The following HFM1 variants were observed in gnomAD, a reference collection of about 807,000 sequenced individuals.
The protein encoded by HFM1 is probable ATP-dependent DNA helicase HFM1.
In HFM1, 169 loss-of-function variants were observed where a neutral mutation model predicts 192.1. The ratio of observed to expected loss-of-function variants is 0.88; its 90% CI spans 0.78 to 1.00. The LOEUF is 1.00. HFM1 is among the 50% of genes least tolerant of loss of function. HFM1 has a pLI of 0.00. For synonymous variants in HFM1, 525 were observed against 537.8 expected, an observed-to-expected ratio of 0.98 and a Z score of 0.33; for missense variants, 1,661 against 1,668.0, an observed-to-expected ratio of 1.00 and a Z score of 0.07.
At chr1:91,292,237 G>T (rs1355778492) in intron 30 of HFM1, among the ~76,000 whole-genome samples, 1 of 146,084 alleles carries the variant, frequency 6.8e-6, no homozygotes, top group Non-Finnish European at 1.5e-5. Flanking sequence ...AAGAGTATTC[G>T]ATTAGGAAAA....
rs1666865638 is a variant in HFM1, at chr1:91,276,813, A to T, written c.3473-70T>A. ...TATTCTTATAAAGTCAAATTTCTTT[A>T]AAATTTCAAATCTAGTATTTACTTT... On this transcript the variant is annotated intron_variant, in intron 31 of 38. Coordinates refer to ENST00000370425, the MANE Select transcript of HFM1 (RefSeq NM_001017975.6). 5.6e-6 allele frequency: 5 copies of T among 890,044 alleles called. No individual in the cohort carries two copies. The South Asian group carries it at 1.0e-4, about 18-fold the overall frequency. 55.1% of individuals were successfully genotyped at this position (890,044 alleles called of 1,614,324 possible). A position where few individuals can be genotyped will look rare whatever the true frequency, so the allele number is the denominator to read the frequency against.
intron 13 of HFM1, among the ~76,000 whole-genome samples, chr1:91,364,776 G>T (rs1263678769): frequency 6.6e-6 from 1 of 151,158 alleles, no homozygotes; most frequent in African/African-American, 2.4e-5. Context: ...TGGGACTACA[G>T]GCACCAGCCA....
chr1:91,375,818 A>G (rs1660836659), intron 11 of HFM1, 91 bp from the exon 12 acceptor site: 2 of 925,256 alleles, frequency 2.2e-6, no homozygotes, highest in African/African-American at 3.3e-5. Flanking sequence ...TTTAAGGTCA[A>G]GCTATAAAAG....
intron 30 of HFM1, among the ~76,000 whole-genome samples, chr1:91,304,018 C>G (rs1350604963): frequency 6.6e-6 from 1 of 151,982 alleles, no homozygotes; most frequent in Non-Finnish European, 1.5e-5. Flanking sequence ...ACACGCCTGG[C>G]TAATTTTTGT....
chr1:91,342,183 C>CAAA (rs1048778479), intron 20 of HFM1, among the ~76,000 whole-genome samples: 1 of 131,884 alleles, frequency 7.6e-6, no homozygotes, highest in African/African-American at 2.8e-5. Context: ...AACATAGATG[C>CAAA]AAAAATCCTC....
At chr1:91,279,636 T>C (rs1304420347) in intron 30 of HFM1, among the ~76,000 whole-genome samples, 2 of 152,152 alleles carry the variant, frequency 1.3e-5, no homozygotes, top group Non-Finnish European at 2.9e-5. Flanking sequence ...CAATTGCCAT[T>C]CTTCAAATAG....
intron 1 of HFM1, among the ~76,000 whole-genome samples, chr1:91,403,908 A>C (rs1004406659): frequency 6.6e-6 from 1 of 152,208 alleles, no homozygotes; most frequent in African/African-American, 2.4e-5. Flanking sequence ...TTATTGTATA[A>C]ACTTATTGTA....
intron 30 of HFM1, among the ~76,000 whole-genome samples, chr1:91,290,835 A>G (rs1428158839): frequency 6.6e-6 from 1 of 152,108 alleles, no homozygotes; most frequent in Non-Finnish European, 1.5e-5. Context: ...AAAGAACAGA[A>G]ATTATAACAA....
chr1:91,287,469 A>T (rs1213643339), intron 30 of HFM1, among the ~76,000 whole-genome samples: 1 of 150,432 alleles, frequency 6.6e-6, no homozygotes, highest in Non-Finnish European at 1.5e-5. Flanking sequence ...TAGAAGGAAA[A>T]CTAACTAACA....
chr1:91,317,689 C>A (rs1651463604), intron 25 of HFM1, among the ~76,000 whole-genome samples: 1 of 152,148 alleles, frequency 6.6e-6, no homozygotes, highest in African/African-American at 2.4e-5. Context: ...CTTAGTTCTT[C>A]TTAAGACTCA....
intron 20 of HFM1, among the ~76,000 whole-genome samples, chr1:91,339,517 G>T (rs1655047240): frequency 6.6e-6 from 1 of 152,070 alleles, no homozygotes; most frequent in Admixed American, 6.6e-5. Flanking sequence ...AGTATTAACA[G>T]CAGAATAAAC....
At chr1:91,277,536 A>C (rs1049554955) in intron 30 of HFM1, among the ~76,000 whole-genome samples, 1 of 138,110 alleles carries the variant, frequency 7.2e-6, no homozygotes, top group Non-Finnish European at 1.5e-5. Flanking sequence ...TGTATACTTT[A>C]TATATATATA....
At chr1:91,343,312 C>T (rs1323434856) in intron 20 of HFM1, 118 bp downstream of exon 20, 1 of 499,202 alleles carries the variant, frequency 2.0e-6, no homozygotes, top group Non-Finnish European at 3.7e-6. Context: ...TGATGATACC[C>T]TGTTGAGAAC....
intron 20 of HFM1, among the ~76,000 whole-genome samples, chr1:91,331,803 G>C (rs1292022549): frequency 6.6e-6 from 1 of 152,162 alleles, no homozygotes; most frequent in East Asian, 1.9e-4. Context: ...GGCTGAGGCA[G>C]GAGAATCACT....
At chr1:91,329,422 C>T in intron 20 of HFM1, 1 of 1,572,586 alleles carries the variant, frequency 6.4e-7, no homozygotes, top group East Asian at 2.3e-5. Context: ...GTGACTGGCT[C>T]ACTCTCTTCA....
intron 30 of HFM1, among the ~76,000 whole-genome samples, chr1:91,296,169 T>C (rs1647537921): frequency 6.6e-6 from 1 of 152,186 alleles, no homozygotes; most frequent in South Asian, 2.1e-4. Context: ...TCCGCCCACC[T>C]TGGCCTCCCA....
chr1:91,353,031 G>A lies in HFM1; in HGVS notation c.1831+20C>T, dbSNP rs754580722. 112 of 1,435,996 alleles carry A rather than the reference G, an allele frequency of 7.8e-5. No individual in the cohort carries two copies. The highest frequency in any genetic ancestry group is 1.1e-4 in the Non-Finnish European group (110 of 1,028,372). The allele number at this position is 1,435,996 out of a possible 1,614,324, so 89.0% of individuals were successfully genotyped here. On this transcript the variant is annotated intron_variant, in intron 15 of 38. Transcript: ENST00000370425. ...TTCCAAAATATTTTATAGTATCCAC[G>A]AGAAATATGTTTTACTTACAAAGAA... is the stretch of plus-strand genomic sequence containing the variant.
At chr1:91,314,334 G>C (rs1186378313) in intron 28 of HFM1, among the ~76,000 whole-genome samples, 1 of 152,170 alleles carries the variant, frequency 6.6e-6, no homozygotes, top group African/African-American at 2.4e-5. Context: ...CCTCACTGCA[G>C]CCACAAACTC....
chr1:91,288,462 G>A (rs1668294616), intron 30 of HFM1, among the ~76,000 whole-genome samples: 2 of 151,324 alleles, frequency 1.3e-5, no homozygotes, highest in African/African-American at 4.9e-5. Flanking sequence ...CAATAGTGGA[G>A]GGAAGGTCAG....
Sources: gnomAD v4.1 joint callset for allele counts (sites outside exome capture counted in the v4.1 genomes callset) on GRCh38, gnomAD v4.1.1 for gene constraint, MANE v1.5 for transcripts, NCBI Gene and HGNC (gene_info 2026-07-23, HGNC 2026-07-21) for gene names.